Variants in SV2C observed in about 807,000 individuals in gnomAD.
The protein encoded by SV2C is synaptic vesicle glycoprotein 2C.
In SV2C, 49 loss-of-function variants were observed where a neutral mutation model predicts 79.7. That is an observed-to-expected ratio of 0.61 (90% CI 0.49 to 0.78). The LOEUF (loss-of-function observed/expected upper bound fraction) is 0.78, where lower values mean the gene tolerates loss of function less well. Ranked by LOEUF, SV2C falls within the 30% of genes least tolerant of loss-of-function variation. The pLI is 0.00. For synonymous variants in SV2C, 334 were observed against 333.2 expected, an observed-to-expected ratio of 1.00 and a Z score of -0.03; for missense variants, 833 against 912.9, an observed-to-expected ratio of 0.91 and a Z score of 1.13.
the SV2C span, among the ~76,000 whole-genome samples, chr5:75,960,538 C>A: frequency 6.6e-5 from 10 of 152,068 alleles, no homozygotes; most frequent in East Asian, 1.4e-3. Context: ...ACCTAATGTA[C>A]AGATTTGTGG....
chr5:75,901,089 A>G, the SV2C span, among the ~76,000 whole-genome samples: 1 of 152,194 alleles, frequency 6.6e-6, no homozygotes, highest in African/African-American at 2.4e-5. Context: ...TCAGCTTGTC[A>G]AAGTCATTCT....
chr5:76,092,863 C>G (rs1360062332), intron 1 of SV2C, among the ~76,000 whole-genome samples: 1 of 152,116 alleles, frequency 6.6e-6, no homozygotes, highest in African/African-American at 2.4e-5. Flanking sequence ...CACTCCACAG[C>G]TCTTTCTCAG....
the SV2C span, among the ~76,000 whole-genome samples, chr5:75,855,940 C>T: frequency 6.6e-6 from 1 of 152,080 alleles, no homozygotes; most frequent in Non-Finnish European, 1.5e-5. Context: ...TCCATTTCTC[C>T]CCCTCCCCAC....
chr5:76,236,239 T>A (rs986388243), intron 4 of SV2C, among the ~76,000 whole-genome samples: 1 of 152,104 alleles, frequency 6.6e-6, no homozygotes, highest in Non-Finnish European at 1.5e-5. Context: ...ATAGTCAATA[T>A]TGAAAATCAA....
chr5:75,882,994 GA>G, the SV2C span, among the ~76,000 whole-genome samples: 3 of 148,012 alleles, frequency 2.0e-5, no homozygotes, highest in Admixed American at 1.3e-4. Flanking sequence ...AAATTTACAA[GA>G]AAAAAACAAA....
the SV2C span, among the ~76,000 whole-genome samples, chr5:76,030,931 T>A: frequency 6.6e-6 from 1 of 152,166 alleles, no homozygotes; most frequent in African/African-American, 2.4e-5. Flanking sequence ...TATAAATTAA[T>A]ACATAAATCA....
chr5:76,060,286 G>A, the SV2C span, among the ~76,000 whole-genome samples: 3 of 152,012 alleles, frequency 2.0e-5, no homozygotes, highest in South Asian at 2.1e-4. Context: ...CTAACTGGGC[G>A]AGTCCTAGAT....
the SV2C span, among the ~76,000 whole-genome samples, chr5:76,049,352 A>G: frequency 2.6e-5 from 4 of 151,612 alleles, no homozygotes; most frequent in African/African-American, 9.7e-5. Flanking sequence ...AAAAAAAATC[A>G]AGGTCTGTAT....
At chr5:75,871,897 C>A in the SV2C span, among the ~76,000 whole-genome samples, 1 of 146,760 alleles carries the variant, frequency 6.8e-6, no homozygotes, top group Admixed American at 6.9e-5. Flanking sequence ...TATACTTTAA[C>A]TTTTAGGGTA....
chr5:75,952,633 TC>T, the SV2C span, among the ~76,000 whole-genome samples: 2 of 151,908 alleles, frequency 1.3e-5, no homozygotes, highest in African/African-American at 4.8e-5. Context: ...TGAGACCTCC[TC>T]CTTCTCTCTC....
At chr5:75,918,074 A>G in the SV2C span, among the ~76,000 whole-genome samples, 1 of 152,168 alleles carries the variant, frequency 6.6e-6, no homozygotes, top group Non-Finnish European at 1.5e-5. Context: ...TTTACCTGCC[A>G]TTTTATCCAG....
chr5:75,946,600 A>G, the SV2C span, among the ~76,000 whole-genome samples: 1 of 152,134 alleles, frequency 6.6e-6, no homozygotes, highest in African/African-American at 2.4e-5. Context: ...TGGCACAGTG[A>G]TAACACTGTC....
At position 76,347,065 on chromosome 5, in the gene SV2C, A is replaced by AG. The variant is rs1434597592; in HGVS notation, c.2001-6059dup. 5.9e-5 allele frequency among the ~76,000 whole-genome samples: 9 copies of AG among 152,264 alleles called. No individual in the cohort carries two copies. The South Asian group carries it at 1.9e-3, about 32-fold the overall frequency. ...CATAAAGAAGTGAGAGGGAAAAAAG[A>AG]GGGGGGAAAAACAGAAGTGAAGAAA... On this transcript the variant is annotated intron_variant, in intron 12 of 12. Coordinates refer to the SV2C transcript ENST00000322285.
intron 4 of SV2C, among the ~76,000 whole-genome samples, chr5:76,245,824 C>T (rs1745926268): frequency 6.6e-6 from 1 of 151,760 alleles, no homozygotes; most frequent in Non-Finnish European, 1.5e-5. Context: ...TGTGATTAAT[C>T]AAAGAAGACA....
chr5:76,201,048 A>G (rs1157980961), intron 3 of SV2C, among the ~76,000 whole-genome samples: 1 of 152,232 alleles, frequency 6.6e-6, no homozygotes, highest in Non-Finnish European at 1.5e-5. Flanking sequence ...ATCTTCTTAG[A>G]AACACAAATA....
At chr5:76,196,515 C>T (rs1426200072) in intron 3 of SV2C, among the ~76,000 whole-genome samples, 1 of 152,146 alleles carries the variant, frequency 6.6e-6, no homozygotes, top group Non-Finnish European at 1.5e-5. Flanking sequence ...CAAAGGGTTT[C>T]AGCAGACCTA....
Position 76,216,744 on chromosome 5 carries a change from G to T in SV2C, c.913+6857G>T, listed in dbSNP as rs545312652. 3.3e-5 allele frequency among the ~76,000 whole-genome samples: 5 copies of T among 152,278 alleles called. No homozygotes were observed. The South Asian group carries it at 1.0e-3, about 32-fold the overall frequency. The stretch of plus-strand genomic sequence containing the variant: ...GTAAAGGTTCTCTTTCAGCCTTCCT[G>T]CCCTTCCTTTCTCTCTCCACACTCT... On this transcript the variant is annotated intron_variant, in intron 4 of 12. Coordinates refer to ENST00000502798, the MANE Select transcript of SV2C (RefSeq NM_014979.4).
At chr5:75,944,291 T>C in the SV2C span, among the ~76,000 whole-genome samples, 9,553 of 152,296 alleles carry the variant, frequency 0.063, 412 homozygotes, top group Non-Finnish European at 0.096. Flanking sequence ...TAGCATAACT[T>C]ACCTCATGTT....
intron 4 of SV2C, among the ~76,000 whole-genome samples, chr5:76,271,616 C>CTTTTTTTTTT (rs34458409): frequency 2.6e-3 from 245 of 96,078 alleles, no homozygotes; most frequent in South Asian, 3.3e-3. Flanking sequence ...AGCATGTGTT[C>CTTTTTTTTTT]TTTTTTTTTT....
Sources: allele counts gnomAD v4.1 joint callset (sites outside exome capture counted in the v4.1 genomes callset), GRCh38; gene constraint gnomAD v4.1.1; transcripts MANE v1.5; gene names NCBI Gene and HGNC (gene_info 2026-07-23, HGNC 2026-07-21).